MADD: variants seen among roughly 807,000 people sequenced by gnomAD.
MADD encodes MAP kinase-activating death domain protein.
In MADD, 109 loss-of-function variants were observed where a neutral mutation model predicts 176.7. The ratio of observed to expected loss-of-function variants is 0.62; its 90% CI spans 0.53 to 0.72. The LOEUF (loss-of-function observed/expected upper bound fraction) is 0.72. MADD is among the 30% of genes least tolerant of loss of function. The pLI, the probability that MADD is intolerant of heterozygous loss-of-function variation, is 0.00. For synonymous variants in MADD, 771 were observed against 771.3 expected, an observed-to-expected ratio of 1.00 and a Z score of 0.01; for missense variants, 1,914 against 2,045.5, an observed-to-expected ratio of 0.94 and a Z score of 1.24.
chr11:47,299,585 CTTTTTTTTTTTTTT>C (rs1185948034), intron 22 of MADD, among the ~76,000 whole-genome samples: 3 of 41,518 alleles, frequency 7.2e-5, no homozygotes, highest in Admixed American at 6.0e-4. Context: ...GATTTTAGGG[CTTTTTTTTTTTTTT>C]TTTTTTTTTT....
At chr11:47,293,840 C>T (rs779406328) in intron 19 of MADD, 43 bp from the exon 22 acceptor site, 1 of 1,333,060 alleles carries the variant, frequency 7.5e-7, no homozygotes, top group Non-Finnish European at 1.1e-6. Flanking sequence ...CAGCCTGCCC[C>T]TAGCCTTTGT....
chr11:47,328,779 A>AG (rs2095749811), intron 32 of MADD, 75 bp downstream of exon 36: 1 of 1,593,088 alleles, frequency 6.3e-7, no homozygotes, highest in African/African-American at 1.3e-5. Flanking sequence ...GGAGGAGGGG[A>AG]GGGCCCTCTG....
intron 28 of MADD, 132 bp from the exon 32 acceptor site, chr11:47,324,133 C>T (rs1214091247): frequency 1.3e-6 from 1 of 757,382 alleles, no homozygotes; most frequent in Admixed American, 2.3e-5. Flanking sequence ...AATAAGACAT[C>T]CGAAAAATAG....
At chr11:47,275,860 T>C in intron 3 of MADD, 39 bp from the exon 4 acceptor site, 2 of 1,562,546 alleles carry the variant, frequency 1.3e-6, no homozygotes, top group Non-Finnish European at 1.7e-6. Flanking sequence ...TATCAGCTTC[T>C]GATGCTAATG....
intron 15 of MADD, among the ~76,000 whole-genome samples, chr11:47,288,521 A>G (rs1042222329): frequency 1.3e-5 from 2 of 152,214 alleles, no homozygotes; most frequent in African/African-American, 2.4e-5. Flanking sequence ...AAACTCTTTC[A>G]TTGCATGCTG....
At chr11:47,291,928 C>T (rs1333097477) in intron 19 of MADD, among the ~76,000 whole-genome samples, 2 of 152,160 alleles carry the variant, frequency 1.3e-5, no homozygotes, top group Non-Finnish European at 2.9e-5. Context: ...TTCTCTGTCA[C>T]CTCAACTGGA....
chr11:47,303,841 C>CA (rs1043288261), intron 22 of MADD, among the ~76,000 whole-genome samples: 1 of 151,682 alleles, frequency 6.6e-6, no homozygotes, highest in Non-Finnish European at 1.5e-5. Context: ...CTCCTGACTT[C>CA]AAATGATCTG....
intron 31 of MADD, 175 bp downstream of exon 35, chr11:47,326,982 G>T: frequency 7.2e-7 from 1 of 1,384,136 alleles, no homozygotes; most frequent in Non-Finnish European, 9.4e-7. Flanking sequence ...GATGTGGAAG[G>T]GAAAGATAGA....
At chr11:47,312,066 C>T (rs1406164835) in intron 26 of MADD, among the ~76,000 whole-genome samples, 4 of 152,174 alleles carry the variant, frequency 2.6e-5, no homozygotes, top group Admixed American at 2.6e-4. Context: ...AAGGTGAAAA[C>T]GATTTCAAAT....
At chr11:47,329,957 G>C (rs1481063078) in exon 33 of MADD, 1 of 152,682 alleles carries the variant, frequency 6.5e-6, no homozygotes, top group African/African-American at 2.4e-5. Context: ...AGAAATGACT[G>C]TAAATATTTC....
At chr11:47,277,760 A>G (rs140066828) in intron 5 of MADD, among the ~76,000 whole-genome samples, 2 of 151,854 alleles carry the variant, frequency 1.3e-5, no homozygotes, top group African/African-American at 2.4e-5. Context: ...GGCTGGACAC[A>G]GGGGTGATTC....
At chr11:47,318,789 A>ATTTT (rs57548484) in intron 27 of MADD, among the ~76,000 whole-genome samples, 5 of 82,458 alleles carry the variant, frequency 6.1e-5, no homozygotes, top group African/African-American at 1.0e-4. Context: ...CAGTTTGGGA[A>ATTTT]TTTTTTTTTT....
intron 25 of MADD, among the ~76,000 whole-genome samples, chr11:47,310,843 G>T (rs994117249): frequency 4.7e-5 from 7 of 149,712 alleles, no homozygotes; most frequent in African/African-American, 1.7e-4. Context: ...AGAGAAGGAG[G>T]TTGCAGTGAG....
intron 31 of MADD, chr11:47,327,808 C>T (rs956157518): frequency 1.0e-6 from 1 of 985,404 alleles, no homozygotes; most frequent in Admixed American, 6.1e-5. Context: ...CTTTTCTGGC[C>T]CCCAGGGAGA....
At chr11:47,288,916 G>C (rs2062927539) in intron 15 of MADD, 52 bp from the exon 16 acceptor site, 1 of 1,290,514 alleles carries the variant, frequency 7.7e-7, no homozygotes, top group African/African-American at 1.5e-5. Flanking sequence ...CGGAGGGGTA[G>C]AGGGGTTGCG....
exon 9 of MADD, chr11:47,282,449 T>G (rs1249975369): frequency 6.2e-7 from 1 of 1,614,236 alleles, no homozygotes; most frequent in South Asian, 1.1e-5. Context: ...ACGCGTACCC[T>G]GCGCCTCTTT....
exon 11 of MADD, chr11:47,284,226 C>T: frequency 6.2e-7 from 1 of 1,614,116 alleles, no homozygotes; most frequent in Non-Finnish European, 8.5e-7. Context: ...CTTACTCCTC[C>T]CTTGGTGACT....
chr11:47,292,502 CTT>C, intron 19 of MADD, 39 bp from the exon 21 acceptor site: 1 of 1,599,114 alleles, frequency 6.3e-7, no homozygotes, highest in South Asian at 1.1e-5. Flanking sequence ...CAGCCTCTGA[CTT>C]TCTGTCTTTC....
exon 13 of MADD, chr11:47,284,990 C>T: frequency 6.2e-7 from 1 of 1,614,022 alleles, no homozygotes; most frequent in Non-Finnish European, 8.5e-7. Context: ...GTAGGCGTCT[C>T]CAAGCCCCTC....
Sources: allele counts gnomAD v4.1 joint callset (sites outside exome capture counted in the v4.1 genomes callset), GRCh38; gene constraint gnomAD v4.1.1; transcripts MANE v1.5; gene names NCBI Gene and HGNC (gene_info 2026-07-23, HGNC 2026-07-21).